LINGO2: variants seen among roughly 807,000 people sequenced by gnomAD.
LINGO2 encodes leucine-rich repeat and immunoglobulin-like domain-containing nogo receptor-interacting protein 2.
In LINGO2, 14 loss-of-function variants were observed where a neutral mutation model predicts 30.6. The observed-to-expected ratio is 0.46, with a 90% CI of 0.30 to 0.72. The LOEUF is 0.72. Ranked by LOEUF, LINGO2 falls within the 30% of genes least tolerant of loss-of-function variation. LINGO2 has a pLI of 0.07. For synonymous variants in LINGO2, 317 were observed against 288.5 expected, an observed-to-expected ratio of 1.10 and a Z score of -1.00; for missense variants, 729 against 751.7, an observed-to-expected ratio of 0.97 and a Z score of 0.35.
At chr9:28,349,816 C>T (rs566978295) in intron 3 of LINGO2, among the ~76,000 whole-genome samples, 1 of 152,004 alleles carries the variant, frequency 6.6e-6, no homozygotes, top group South Asian at 2.1e-4. Flanking sequence ...AGAAACCCTA[C>T]AAGCCAGAAG....
chr9:28,944,769 TTTAA>T, the LINGO2 span, among the ~76,000 whole-genome samples: 1 of 152,134 alleles, frequency 6.6e-6, no homozygotes, highest in Non-Finnish European at 1.5e-5. Context: ...TAATAATTGA[TTTAA>T]ATGAAAGATG....
chr9:28,598,529 G>C (rs1275020354), intron 1 of LINGO2: 1 of 152,220 alleles, frequency 6.6e-6, no homozygotes, highest in Non-Finnish European at 1.5e-5. Context: ...AGGTGGCCAG[G>C]AGCCTGCCAA....
chr9:28,877,605 A>C, the LINGO2 span, among the ~76,000 whole-genome samples: 1 of 151,720 alleles, frequency 6.6e-6, no homozygotes, highest in Non-Finnish European at 1.5e-5. Context: ...TGTTCCATTG[A>C]TCTATATCTC....
At chr9:28,216,521 A>G (rs1013072681) in intron 4 of LINGO2, among the ~76,000 whole-genome samples, 6 of 151,986 alleles carry the variant, frequency 3.9e-5, no homozygotes, top group Non-Finnish European at 7.4e-5. Context: ...AATGTCTTCA[A>G]TATGATTTTC....
chr9:29,088,752 A>G, the LINGO2 span, among the ~76,000 whole-genome samples: 35,174 of 151,942 alleles, frequency 0.23, 4,531 homozygotes, highest in African/African-American at 0.35. Context: ...ATATAGTTGC[A>G]TTTATCTGAA....
At chr9:27,966,442 C>A (rs752009526) in intron 5 of LINGO2, among the ~76,000 whole-genome samples, 5 of 152,078 alleles carry the variant, frequency 3.3e-5, no homozygotes, top group African/African-American at 4.8e-5. Flanking sequence ...AAATTTGAAA[C>A]CATCATCCTC....
intron 1 of LINGO2, among the ~76,000 whole-genome samples, chr9:28,592,975 T>C (rs1219035461): frequency 6.6e-6 from 1 of 152,092 alleles, no homozygotes; most frequent in Non-Finnish European, 1.5e-5. Flanking sequence ...AAACTGTATC[T>C]TCCACTTACA....
chr9:28,219,167 C>A (rs1820872747), intron 4 of LINGO2, among the ~76,000 whole-genome samples: 1 of 152,092 alleles, frequency 6.6e-6, no homozygotes, highest in African/African-American at 2.4e-5. Flanking sequence ...CCTGACAATT[C>A]TCTAAATTCA....
intron 1 of LINGO2, among the ~76,000 whole-genome samples, chr9:28,489,843 A>G (rs975172610): frequency 7.0e-6 from 1 of 143,466 alleles, no homozygotes; most frequent in African/African-American, 2.6e-5. Flanking sequence ...GGTTGCAGTT[A>G]GCCGAGATTG....
At chr9:28,568,405 C>T (rs1823501094) in intron 1 of LINGO2, among the ~76,000 whole-genome samples, 1 of 151,850 alleles carries the variant, frequency 6.6e-6, no homozygotes, top group Non-Finnish European at 1.5e-5. Flanking sequence ...GACAATCTAA[C>T]CTGTACAACA....
chr9:27,995,693 T>G (rs1342316448), intron 5 of LINGO2, among the ~76,000 whole-genome samples: 1 of 152,160 alleles, frequency 6.6e-6, no homozygotes, highest in African/African-American at 2.4e-5. Context: ...ACAAATTGAG[T>G]ATAAATTTAG....
chr9:28,301,442 C>T (rs1398707105), intron 3 of LINGO2, among the ~76,000 whole-genome samples: 17 of 151,806 alleles, frequency 1.1e-4, no homozygotes, highest in Admixed American at 1.1e-3. Flanking sequence ...TCTGAATTAG[C>T]TCATCAAAAT....
At chr9:28,992,846 C>T in the LINGO2 span, among the ~76,000 whole-genome samples, 2 of 151,998 alleles carry the variant, frequency 1.3e-5, no homozygotes, top group Admixed American at 6.6e-5. Context: ...ACCAGAATCT[C>T]TGGGACACAT....
the LINGO2 span, among the ~76,000 whole-genome samples, chr9:28,700,728 C>T: frequency 6.6e-6 from 1 of 152,068 alleles, no homozygotes; most frequent in Non-Finnish European, 1.5e-5. Flanking sequence ...AACTTCCAAA[C>T]TGTTTTCCAA....
At chr9:28,742,833 C>T in the LINGO2 span, among the ~76,000 whole-genome samples, 3 of 82,770 alleles carry the variant, frequency 3.6e-5, no homozygotes, top group African/African-American at 1.2e-4. Context: ...GTTGTATTTC[C>T]TCTTGCCCCC....
intron 4 of LINGO2, among the ~76,000 whole-genome samples, chr9:28,235,225 T>C (rs1168662840): frequency 6.6e-6 from 1 of 151,270 alleles, no homozygotes; most frequent in African/African-American, 2.4e-5. Flanking sequence ...AGAACGAGAG[T>C]CTCTGCCTTG....
chr9:28,242,281 T>C (rs1008076029), intron 4 of LINGO2, among the ~76,000 whole-genome samples: 4 of 152,064 alleles, frequency 2.6e-5, no homozygotes, highest in Non-Finnish European at 5.9e-5. Context: ...GAAACATAAA[T>C]GACCAACGGA....
Position 28,295,124 on chromosome 9 carries a change from C to G in LINGO2, c.-87+84G>C, listed in dbSNP as rs1478868850. 3.9e-5 allele frequency: 6 copies of G among 152,348 alleles called. No individual in the cohort carries two copies. In the East Asian group the frequency reaches 1.2e-3, roughly 29 times the overall value. The allele number at this position is 152,348 out of a possible 1,614,324, so 9.4% of individuals were successfully genotyped here. A position where few individuals can be genotyped will look rare whatever the true frequency, so the allele number is the denominator to read the frequency against. On this transcript the variant is annotated intron_variant, in intron 4 of 5. Transcript: ENST00000379992. ...TGGACTTAGAAAACAAATAGAAAAG[C>G]TATACATTATTCATATATTTTGGCA...
intron 1 of LINGO2, among the ~76,000 whole-genome samples, chr9:28,494,758 G>C (rs1819531845): frequency 6.6e-6 from 1 of 152,186 alleles, no homozygotes; most frequent in Non-Finnish European, 1.5e-5. Flanking sequence ...GGGTCAAATA[G>C]TATTTCTAGT....
Sources: allele counts gnomAD v4.1 joint callset (sites outside exome capture counted in the v4.1 genomes callset), GRCh38; gene constraint gnomAD v4.1.1; transcripts MANE v1.5; gene names NCBI Gene and HGNC (gene_info 2026-07-23, HGNC 2026-07-21).